Variants in COBL observed in about 807,000 individuals in gnomAD.
COBL encodes the protein cordon-bleu WH2 repeat protein.
In COBL, 51 loss-of-function variants were observed where a neutral mutation model predicts 98.8. That is an observed-to-expected ratio of 0.52 (90% CI 0.41 to 0.65). The LOEUF (loss-of-function observed/expected upper bound fraction) is 0.65. Ranked by LOEUF, COBL falls within the 30% of genes least tolerant of loss-of-function variation. The pLI is 0.00. For missense variants in COBL, 1,617 were observed against 1,617.5 expected (o/e 1.00, Z 0.01); for synonymous variants, 634 against 651.7 (o/e 0.97, Z 0.41).
intron 7 of COBL, among the ~76,000 whole-genome samples, chr7:51,052,284 A>G (rs1790324280): frequency 6.6e-6 from 1 of 152,202 alleles, no homozygotes; most frequent in South Asian, 2.1e-4. Flanking sequence ...AAACCTCATA[A>G]AAAACCCACA....
At chr7:51,116,483 T>C (rs1390175998) in intron 6 of COBL, among the ~76,000 whole-genome samples, 3 of 152,168 alleles carry the variant, frequency 2.0e-5, no homozygotes, top group African/African-American at 4.8e-5. Flanking sequence ...AGTTGTCTTA[T>C]GTATTACACT....
At chr7:51,203,816 A>G (rs1301141925) in intron 2 of COBL, among the ~76,000 whole-genome samples, 1 of 152,166 alleles carries the variant, frequency 6.6e-6, no homozygotes, top group Admixed American at 6.5e-5. Flanking sequence ...AATTGATACT[A>G]GTGCTTTTTA....
chr7:51,234,705 A>G lies in COBL; in HGVS notation c.42-14761T>C, dbSNP rs532076722. On this transcript the variant is annotated intron_variant, in intron 1 of 12. Coordinates refer to ENST00000265136, the MANE Select transcript of COBL (RefSeq NM_015198.5). ...GACAGATCAAGGCCCTGTTTCAGAAAAAAAAAAAAAAAAAGAAAGAAAGAA... is the reference window on the plus strand; with the variant it reads ...GACAGATCAAGGCCCTGTTTCAGAAGAAAAAAAAAAAAAAGAAAGAAAGAA... 2.1e-5 allele frequency among the ~76,000 whole-genome samples: 3 copies of G among 145,428 alleles called. No homozygotes were observed. The South Asian group carries it at 6.6e-4, about 32-fold the overall frequency.
chr7:51,298,588 T>C (rs1364077206), intron 1 of COBL, among the ~76,000 whole-genome samples: 1 of 152,240 alleles, frequency 6.6e-6, no homozygotes, highest in South Asian at 2.1e-4. Flanking sequence ...ACTTAGCTCA[T>C]GGCTCATTCA....
At chr7:51,114,098 C>T (rs900849223) in intron 6 of COBL, among the ~76,000 whole-genome samples, 1 of 152,120 alleles carries the variant, frequency 6.6e-6, no homozygotes, top group Non-Finnish European at 1.5e-5. Context: ...TCTACATAAG[C>T]GATCTCCACC....
At chr7:51,062,375 T>G (rs1040126200) in intron 7 of COBL, among the ~76,000 whole-genome samples, 2 of 140,918 alleles carry the variant, frequency 1.4e-5, no homozygotes, top group Non-Finnish European at 3.3e-5. Flanking sequence ...AAAGCCTCCA[T>G]AATCCCAAGC....
At chr7:51,063,587 T>C (rs935380826) in intron 7 of COBL, among the ~76,000 whole-genome samples, 29 of 152,178 alleles carry the variant, frequency 1.9e-4, no homozygotes, top group African/African-American at 6.8e-4. Flanking sequence ...CAGACAGCAG[T>C]AGGAGGCAGG....
intron 1 of COBL, among the ~76,000 whole-genome samples, chr7:51,314,393 G>A (rs1803337698): frequency 6.6e-6 from 1 of 152,206 alleles, no homozygotes; most frequent in African/African-American, 2.4e-5. Flanking sequence ...TGCAAACACT[G>A]CCTTAATCTC....
chr7:51,238,840 T>C (rs1584273739), intron 1 of COBL, among the ~76,000 whole-genome samples: 1 of 152,068 alleles, frequency 6.6e-6, no homozygotes. Context: ...TCCCTAAATA[T>C]ACCAGTCAGG....
At chr7:51,256,202 T>G (rs1288166871) in intron 1 of COBL, among the ~76,000 whole-genome samples, 1 of 152,026 alleles carries the variant, frequency 6.6e-6, no homozygotes, top group Non-Finnish European at 1.5e-5. Flanking sequence ...AATTGACTCC[T>G]CATCATATTG....
chr7:51,119,318 C>T (rs1797547002), intron 6 of COBL, among the ~76,000 whole-genome samples: 1 of 152,104 alleles, frequency 6.6e-6, no homozygotes, highest in African/African-American at 2.4e-5. Context: ...AAAGAGGTAG[C>T]TCAATACTAA....
At chr7:51,158,464 C>T (rs1334818459) in intron 5 of COBL, among the ~76,000 whole-genome samples, 1 of 123,964 alleles carries the variant, frequency 8.1e-6, no homozygotes, top group Non-Finnish European at 1.9e-5. Context: ...ATAGGTCCGC[C>T]TGGGACATAT....
At chr7:51,229,279 G>A (rs571782873) in intron 1 of COBL, among the ~76,000 whole-genome samples, 9 of 152,332 alleles carry the variant, frequency 5.9e-5, no homozygotes, top group South Asian at 4.2e-4. Context: ...GCAAGCCCGC[G>A]GTGCCGGCGC....
chr7:51,187,966 A>C, intron 4 of COBL: 2 of 1,232,380 alleles, frequency 1.6e-6, no homozygotes, highest in Non-Finnish European at 2.0e-6. Flanking sequence ...GAACTGGAAA[A>C]GGCAGGCAAT....
rs1189405844 is a variant in COBL, at chr7:51,043,657, G to C, written c.1132C>G (p.Pro378Ala). ...LPLGSGSHCSPDGAPQVLSEA... is the reference protein window; with the variant it reads ...LPLGSGSHCSADGAPQVLSEA... ...GACAGCACCTGCGGGGCTCCATCCG[G>C]GCTGCAGTGGCTGCCAGACCCCAGG... is the stretch of plus-strand genomic sequence containing the variant. Residue 378 changes from proline to alanine, a missense_variant, in exon 8 of 13, where the codon CCG (proline) becomes GCG (alanine). By Grantham distance (27) the Pro-to-Ala change is conservative. Around this residue, in one of 3 missense-constraint regions of COBL, gnomAD observed 1,304 missense variants for 1,282.0 expected, o/e 1.02. Transcript: ENST00000265136. 1.9e-6 allele frequency: 3 copies of C among 1,614,050 alleles called. No homozygotes were observed. In the East Asian group the frequency reaches 6.7e-5, roughly 36 times the overall value.
chr7:51,055,166 G>C (rs967536525), intron 7 of COBL, among the ~76,000 whole-genome samples: 2 of 152,188 alleles, frequency 1.3e-5, no homozygotes, highest in African/African-American at 4.8e-5. Flanking sequence ...CTTCCCGCAA[G>C]GGCGGCTCAG....
At chr7:51,021,976 G>A (rs1786983656) in intron 12 of COBL, among the ~76,000 whole-genome samples, 1 of 152,172 alleles carries the variant, frequency 6.6e-6, no homozygotes, top group African/African-American at 2.4e-5. Flanking sequence ...GAGTCTCCCT[G>A]ATGAATGCTG....
intron 5 of COBL, among the ~76,000 whole-genome samples, chr7:51,169,463 A>G (rs778232508): frequency 5.3e-5 from 8 of 152,200 alleles, no homozygotes; most frequent in Non-Finnish European, 1.0e-4. Flanking sequence ...ATTGATTGAG[A>G]CTTATTTCAG....
intron 4 of COBL, among the ~76,000 whole-genome samples, chr7:51,184,888 A>G (rs2129052742): frequency 6.6e-6 from 1 of 152,338 alleles, no homozygotes; most frequent in South Asian, 2.1e-4. Flanking sequence ...TCATTTCCAG[A>G]AAATGGAGTA....
Sources: allele counts gnomAD v4.1 joint callset (sites outside exome capture counted in the v4.1 genomes callset), GRCh38; gene constraint gnomAD v4.1.1; regional missense constraint gnomAD v4.1.1; transcripts MANE v1.5; gene names NCBI Gene and HGNC (gene_info 2026-07-23, HGNC 2026-07-21).